Variants in WDR93 observed in about 807,000 individuals in gnomAD.
The protein encoded by WDR93 is WD repeat domain 93, also known as WD repeat-containing protein 93.
Under a neutral mutation model 82.9 loss-of-function variants are expected in WDR93, and 73 were observed. The ratio of observed to expected loss-of-function variants is 0.88; its 90% CI spans 0.73 to 1.07. WDR93 has a LOEUF of 1.07. Ranked by LOEUF, WDR93 falls within the 50% of genes least tolerant of loss-of-function variation. The pLI, the probability that WDR93 is intolerant of heterozygous loss-of-function variation, is 0.00. For missense variants in WDR93, 738 were observed against 826.0 expected, an observed-to-expected ratio of 0.89 and a Z score of 1.31; for synonymous variants, 283 against 300.1, an observed-to-expected ratio of 0.94 and a Z score of 0.59.
chr15:89,741,217 A>G (rs550682161), intron 16 of WDR93, among the ~76,000 whole-genome samples: 32 of 152,216 alleles, frequency 2.1e-4, no homozygotes, highest in Non-Finnish European at 4.4e-4. Context: ...TCTTTCAATA[A>G]GTAAAAGGGA....
At chr15:89,738,321 C>T in intron 16 of WDR93, 85 bp downstream of exon 16, 1 of 1,442,680 alleles carries the variant, frequency 6.9e-7, no homozygotes, top group Non-Finnish European at 9.3e-7. Context: ...CATGGTAAAT[C>T]CTTTCAGCAT....
intron 11 of WDR93, 76 bp downstream of exon 11, chr15:89,729,845 ATG>A: frequency 1.6e-6 from 2 of 1,226,462 alleles, no homozygotes; most frequent in Non-Finnish European, 2.4e-6. Context: ...AGCTAAGAGC[ATG>A]TGACTGACAT....
chr15:89,694,035 T>C (rs1305702961), intron 1 of WDR93, among the ~76,000 whole-genome samples: 2 of 152,222 alleles, frequency 1.3e-5, no homozygotes, highest in Non-Finnish European at 1.5e-5. Flanking sequence ...AGCATTCTTA[T>C]TGTACATCTT....
Position 89,713,124 on chromosome 15 carries a change from TAA to T in WDR93, c.640+1042_640+1043del, listed in dbSNP as rs77944900. 5.9e-3 allele frequency among the ~76,000 whole-genome samples: 576 copies of T among 97,688 alleles called. 4 individuals are homozygous for T. Among genetic ancestry groups the T allele is most frequent in the African/African-American group, 0.02 (524 of 26,048 alleles). The allele number at this position is 97,688 out of a possible 152,430, so 64.1% of individuals were successfully genotyped here. ...GGCAACAAAGAGCGAAACTCCATCT[TAA>T]AAAAAAAAAAAAAAAAAAAAAGTAT... On this transcript the variant is annotated intron_variant, in intron 5 of 16. Transcript: ENST00000268130.
In WDR93 at chr15:89,738,108, T is replaced by G. The variant is rs1451302852; in HGVS notation, c.1833T>G (p.Asn611Lys). 6.2e-7 allele frequency: 1 copy of G among 1,614,084 alleles called. No homozygotes were observed. The highest frequency in any genetic ancestry group is 1.7e-5 in the Admixed American group (1 of 60,006). ...TCCAATATTCTGTTTTCTATTTTAA[T>G]TTTGAGGCCTGCCCACTCCTGGAAA... Reference protein sequence around the residue: ...AGIQYSVFYFNFEACPLLENI... With the variant: ...AGIQYSVFYFKFEACPLLENI... The change falls in exon 16 of 17, where the codon AAT (asparagine) becomes AAG (lysine). Residue 611 changes from asparagine to lysine, a missense_variant. Physicochemically the swap from Asn to Lys is moderately conservative, Grantham distance 94. Coordinates refer to ENST00000268130, the MANE Select transcript of WDR93 (RefSeq NM_020212.2).
At chr15:89,696,816 G>A (rs1269009651) in intron 1 of WDR93, among the ~76,000 whole-genome samples, 2 of 152,040 alleles carry the variant, frequency 1.3e-5, no homozygotes, top group Admixed American at 6.6e-5. Context: ...GAATGGGATT[G>A]CTGGGTCATA....
chr15:89,713,782 C>T (rs937089884), intron 5 of WDR93, among the ~76,000 whole-genome samples: 4 of 152,174 alleles, frequency 2.6e-5, no homozygotes, highest in Admixed American at 2.6e-4. Flanking sequence ...GAAGGATATG[C>T]ATTGTATAAT....
intron 1 of WDR93, among the ~76,000 whole-genome samples, chr15:89,695,813 CTT>C (rs58664153): frequency 3.0e-5 from 3 of 99,308 alleles, no homozygotes; most frequent in Admixed American, 2.5e-4. Flanking sequence ...TCATGCTGTC[CTT>C]TTTTTTTTTT....
At chr15:89,739,316 C>G (rs761744760) in intron 16 of WDR93, among the ~76,000 whole-genome samples, 3 of 152,136 alleles carry the variant, frequency 2.0e-5, no homozygotes, top group Non-Finnish European at 4.4e-5. Context: ...GCGAAGGAGA[C>G]AGCATGACCT....
chr15:89,706,241 T>C (rs960559167), intron 4 of WDR93, among the ~76,000 whole-genome samples: 2 of 152,170 alleles, frequency 1.3e-5, no homozygotes, highest in African/African-American at 2.4e-5. Context: ...GATCATTGCC[T>C]ACAATACTGT....
At chr15:89,721,639 G>T (rs375645759) in intron 7 of WDR93, among the ~76,000 whole-genome samples, 44 of 152,112 alleles carry the variant, frequency 2.9e-4, no homozygotes, top group African/African-American at 1.1e-3. Context: ...TCAAAGATGG[G>T]CTCTCGCTAT....
chr15:89,690,813 G>A lies in WDR93; in HGVS notation c.-85G>A. 1.8e-6 allele frequency: 1 copy of A among 561,088 alleles called. No individual in the cohort carries two copies. Among genetic ancestry groups the A allele is most frequent in the East Asian group, 3.1e-5 (1 of 32,034 alleles). 34.8% of individuals were successfully genotyped at this position (561,088 alleles called of 1,614,324 possible). A position where few individuals can be genotyped will look rare whatever the true frequency, so the allele number is the denominator to read the frequency against. ...GCAACTTCGCGGACTTCCGGTTCAA[G>A]CCGGAAGTTGTGGTTACCAAGGCGA... On this transcript the variant is annotated 5_prime_UTR_variant, in exon 1 of 17. Coordinates refer to ENST00000268130, the MANE Select transcript of WDR93 (RefSeq NM_020212.2).
At chr15:89,731,385 A>G in intron 11 of WDR93, 58 bp from the exon 12 acceptor site, 1 of 1,601,880 alleles carries the variant, frequency 6.2e-7, no homozygotes. Flanking sequence ...GTCCAGGTAG[A>G]AGTGATGGGT....
Position 89,713,957 on chromosome 15 carries a change from GA to G in WDR93, c.641-1016del, listed in dbSNP as rs147115585. ...AGGTGACCAGAAGATTACTTTTTAAGAAAAAAATTTAGCCAGGATCCCATAC... is the reference window on the plus strand; with the variant it reads ...AGGTGACCAGAAGATTACTTTTTAAGAAAAAATTTAGCCAGGATCCCATAC... On this transcript the variant is annotated intron_variant, in intron 5 of 16. Transcript: ENST00000268130. Among the ~76,000 whole-genome samples, 818 of 152,180 alleles carry G rather than the reference GA, an allele frequency of 5.4e-3. 8 individuals carry two copies. Among genetic ancestry groups the G allele is most frequent in the African/African-American group, 0.018 (768 of 41,542 alleles).
rs1290479904 is a variant in WDR93 at position 89,722,077 on chromosome 15, G to A, written c.818G>A (p.Gly273Glu). 1.2e-6 allele frequency: 2 copies of A among 1,608,676 alleles called. No homozygotes were observed. Among genetic ancestry groups the A allele is most frequent in the African/African-American group, 2.7e-5 (2 of 74,646 alleles). ...TAGGATGCAAATGTTAGTTTTAAAGGAGACATTAAATTGAGTCTTCCAGTT... is the reference window on the plus strand; with the variant it reads ...TAGGATGCAAATGTTAGTTTTAAAGAAGACATTAAATTGAGTCTTCCAGTT... ...LEMDANVSFK[G>E]DIKLSLPVYI... is the part of the protein sequence containing the mutation. The change falls in exon 8 of 17, where the codon GGA (glycine) becomes GAA (glutamate). Residue 273 changes from glycine to glutamate, a missense_variant. Gly to Glu is a moderately conservative substitution (Grantham distance 98). Coordinates refer to ENST00000268130, the MANE Select transcript of WDR93 (RefSeq NM_020212.2).
At chr15:89,731,407 C>A (rs769603402) in intron 11 of WDR93, 36 bp from the exon 12 acceptor site, 10 of 1,520,278 alleles carry the variant, frequency 6.6e-6, no homozygotes, top group South Asian at 1.2e-5. Flanking sequence ...GGTGCAGAGT[C>A]TGGGGGAACC....
intron 4 of WDR93, among the ~76,000 whole-genome samples, chr15:89,706,544 A>G (rs1965737075): frequency 1.3e-5 from 2 of 152,212 alleles, no homozygotes; most frequent in Admixed American, 6.5e-5. Flanking sequence ...TCAACAAATA[A>G]TGCTAAAACA....
intron 14 of WDR93, among the ~76,000 whole-genome samples, chr15:89,737,282 G>A (rs1366533541): frequency 6.6e-6 from 1 of 152,232 alleles, no homozygotes; most frequent in Non-Finnish European, 1.5e-5. Flanking sequence ...CATGGAGGGT[G>A]AGCTCTTCAG....
chr15:89,722,744 A>G (rs905275017), intron 8 of WDR93, among the ~76,000 whole-genome samples: 1 of 152,182 alleles, frequency 6.6e-6, no homozygotes, highest in Admixed American at 6.6e-5. Context: ...CAGAGAGGCT[A>G]GCTATTGTAG....
Sources: gnomAD v4.1 joint callset for allele counts (sites outside exome capture counted in the v4.1 genomes callset) on GRCh38, gnomAD v4.1.1 for gene constraint, MANE v1.5 for transcripts, NCBI Gene and HGNC (gene_info 2026-07-23, HGNC 2026-07-21) for gene names.